The following MYO1E variants were observed in gnomAD, a reference collection of about 807,000 sequenced individuals.
MYO1E encodes the protein unconventional myosin-Ie.
In MYO1E, 68 loss-of-function variants were observed where a neutral mutation model predicts 151.1. That is an observed-to-expected ratio of 0.45 (90% CI 0.37 to 0.55). The LOEUF is 0.55. Among genes scored for constraint, MYO1E ranks in the 20% least tolerant of loss-of-function variants. MYO1E has a pLI of 0.00. For missense variants in MYO1E, 1,363 were observed against 1,389.3 expected (o/e 0.98, Z 0.30); for synonymous variants, 601 against 501.7 (o/e 1.20, Z -2.64).
intron 26 of MYO1E, among the ~76,000 whole-genome samples, chr15:59,151,045 ACACACGCGCGCGCGCG>A (rs2079473888): frequency 1.3e-5 from 1 of 75,448 alleles, no homozygotes; most frequent in Non-Finnish European, 2.7e-5. Context: ...ACACACACAC[ACACACGCGCGCGCGCG>A]CACGTGCACT....
In MYO1E at chr15:59,133,458, A is replaced by G. The variant is rs191652995; in HGVS notation, c.*3922T>C. ...TGTGTGACCTTGGGCGACCTAGTGA[A>G]CCATACTGAGCCAGTCTTCTTGTTA... On this transcript the variant is annotated 3_prime_UTR_variant, in exon 28 of 28. Transcript: ENST00000288235. The G allele has an allele frequency of 7.9e-5, 12 of 152,068 alleles. No homozygotes were observed. In the East Asian group the frequency reaches 1.5e-3, roughly 20 times the overall value. 9.4% of individuals were successfully genotyped at this position (152,068 alleles called of 1,614,324 possible). A position where few individuals can be genotyped will look rare whatever the true frequency, so the allele number is the denominator to read the frequency against.
chr15:59,139,446 AC>A (rs1439443312), intron 26 of MYO1E, among the ~76,000 whole-genome samples: 1 of 135,144 alleles, frequency 7.4e-6, no homozygotes, highest in Non-Finnish European at 1.5e-5. Context: ...CTTCATTATT[AC>A]TCCTCACTTT....
At chr15:59,156,590 A>C (rs117738030) in intron 25 of MYO1E, among the ~76,000 whole-genome samples, 2,992 of 152,308 alleles carry the variant, frequency 0.02, 25 homozygotes, top group Middle Eastern at 0.031. Flanking sequence ...TGGTCTCCCA[A>C]AGTGTTGGGA....
chr15:59,199,386 A>G (rs1397195631), intron 16 of MYO1E, among the ~76,000 whole-genome samples: 2 of 152,178 alleles, frequency 1.3e-5, no homozygotes, highest in African/African-American at 4.8e-5. Flanking sequence ...CCCGGCCTGC[A>G]TTATACTTTA....
At chr15:59,147,771 C>A (rs771685013) in intron 26 of MYO1E, among the ~76,000 whole-genome samples, 1 of 152,080 alleles carries the variant, frequency 6.6e-6, no homozygotes, top group Non-Finnish European at 1.5e-5. Context: ...TCTGTGCCCA[C>A]GGAGAACAGG....
chr15:59,161,372 A>G, intron 23 of MYO1E, 142 bp from the exon 24 acceptor site: 1 of 972,088 alleles, frequency 1.0e-6, no homozygotes, highest in Non-Finnish European at 1.5e-6. Flanking sequence ...CAGGGCCCTG[A>G]GGATGCGCAC....
chr15:59,220,833 G>A (rs1003446809), intron 9 of MYO1E, among the ~76,000 whole-genome samples: 2 of 140,542 alleles, frequency 1.4e-5, no homozygotes, highest in Non-Finnish European at 3.1e-5. Flanking sequence ...CTCAATCCTC[G>A]ATTCCCAGCA....
rs558734259 is a variant in MYO1E at position 59,343,481 on chromosome 15, G to A, written c.3+29017C>T. Among the ~76,000 whole-genome samples the A allele has an allele frequency of 2.6e-5, 4 of 152,130 alleles. No homozygotes were observed. The South Asian group carries it at 8.3e-4, about 32-fold the overall frequency. On this transcript the variant is annotated intron_variant, in intron 1 of 27. Coordinates refer to ENST00000288235, the MANE Select transcript of MYO1E (RefSeq NM_004998.4). ...TGGGAGTTTTGTTATTACATGCCTT[G>A]AGGTAATTTCCTTTTAGTTAAATCT...
intron 24 of MYO1E, 124 bp from the exon 25 acceptor site, chr15:59,158,503 G>A: frequency 4.0e-6 from 3 of 759,366 alleles, no homozygotes; most frequent in South Asian, 1.5e-5. Context: ...ATCTGCAGGA[G>A]AACAGTTGCA....
chr15:59,176,917 T>C (rs530474198), intron 19 of MYO1E, among the ~76,000 whole-genome samples: 10 of 152,172 alleles, frequency 6.6e-5, no homozygotes, highest in East Asian at 3.9e-4. Context: ...AATAACACAA[T>C]TGAATGTAAG....
At chr15:59,147,596 CAAAAAA>C (rs748173480) in intron 26 of MYO1E, among the ~76,000 whole-genome samples, 1 of 66,096 alleles carries the variant, frequency 1.5e-5, no homozygotes, top group Non-Finnish European at 2.6e-5. Flanking sequence ...GACTCTGTCT[CAAAAAA>C]AAAAAAAAAA....
At chr15:59,285,961 C>T (rs2080385395) in intron 1 of MYO1E, among the ~76,000 whole-genome samples, 1 of 152,182 alleles carries the variant, frequency 6.6e-6, no homozygotes, top group Non-Finnish European at 1.5e-5. Flanking sequence ...CTGCTCAATA[C>T]CTTTTTCTAA....
chr15:59,160,969 T>TA, intron 24 of MYO1E, 104 bp downstream of exon 24: 1 of 1,446,344 alleles, frequency 6.9e-7, no homozygotes, highest in Non-Finnish European at 9.6e-7. Flanking sequence ...GCAGAAGGTG[T>TA]ACTGATTCTC....
chr15:59,277,351 C>A (rs1286216781), intron 1 of MYO1E, among the ~76,000 whole-genome samples: 1 of 152,070 alleles, frequency 6.6e-6, no homozygotes, highest in Admixed American at 6.5e-5. Context: ...TCAAGACCAT[C>A]CCAGCCAACA....
intron 2 of MYO1E, among the ~76,000 whole-genome samples, chr15:59,263,336 A>C (rs2080235196): frequency 6.6e-6 from 1 of 152,236 alleles, no homozygotes; most frequent in Non-Finnish European, 1.5e-5. Context: ...AACACTCAGC[A>C]CTGTGAGCAC....
intron 2 of MYO1E, among the ~76,000 whole-genome samples, chr15:59,262,895 T>G (rs1038862860): frequency 6.6e-6 from 1 of 152,172 alleles, no homozygotes; most frequent in African/African-American, 2.4e-5. Flanking sequence ...CTAATTTGAA[T>G]TGGGTGCTTA....
intron 1 of MYO1E, among the ~76,000 whole-genome samples, chr15:59,342,461 C>T (rs2080771429): frequency 6.6e-6 from 1 of 152,198 alleles, no homozygotes. Context: ...TTAGTAGTTT[C>T]ATAGTTTGAA....
chr15:59,371,525 A>G (rs1285500532), intron 1 of MYO1E, among the ~76,000 whole-genome samples: 1 of 151,706 alleles, frequency 6.6e-6, no homozygotes, highest in Non-Finnish European at 1.5e-5. Context: ...GCCAAAGCCC[A>G]AGGGAGGTGG....
At chr15:59,221,502 G>A (rs1436542553) in intron 9 of MYO1E, among the ~76,000 whole-genome samples, 3 of 152,112 alleles carry the variant, frequency 2.0e-5, no homozygotes, top group African/African-American at 7.2e-5. Flanking sequence ...AGGTATAGAA[G>A]GGAGAACTTT....
Sources: gnomAD v4.1 joint callset for allele counts (sites outside exome capture counted in the v4.1 genomes callset) on GRCh38, gnomAD v4.1.1 for gene constraint, MANE v1.5 for transcripts, NCBI Gene and HGNC (gene_info 2026-07-23, HGNC 2026-07-21) for gene names.